Variants in DSPP observed in about 807,000 individuals in gnomAD.
DSPP encodes the protein dentin sialophosphoprotein.
DSPP carries 28 observed loss-of-function variants against 29.1 expected under a neutral mutation model. The observed-to-expected ratio is 0.96, with a 90% CI of 0.71 to 1.32. The LOEUF is 1.32. DSPP is among the 40% of genes most tolerant of loss of function. DSPP has a pLI of 0.00. For missense variants in DSPP, 1,281 were observed against 1,629.9 expected (o/e 0.79, Z 3.69); for synonymous variants, 481 against 503.4 (o/e 0.96, Z 0.60).
chr4:87,612,171 T>C lies in DSPP; in HGVS notation c.118T>C (p.Ser40Pro), dbSNP rs1366888240. The change falls in exon 3 of 5, where the codon TCA becomes CCA. Residue 40 changes from serine to proline, a missense_variant. Ser to Pro is a moderately conservative substitution (Grantham distance 74, BLOSUM62 -1). Around this residue, in one of 4 missense-constraint regions of DSPP, gnomAD observed 631 missense variants for 643.2 expected, o/e 0.98. Transcript: ENST00000651931. ...KSMNLHLLAR[S>P]NVSVQDELNA... Reference sequence around the variant, plus strand: ...CATGAATTTGCATCTCCTAGCAAGATCAAATGTGTCAGTACAGGTATAGGA... The same window carrying C: ...CATGAATTTGCATCTCCTAGCAAGACCAAATGTGTCAGTACAGGTATAGGA... 2 of 1,614,084 alleles carry C rather than the reference T, an allele frequency of 1.2e-6. No individual in the cohort carries two copies. The highest frequency in any genetic ancestry group is 3.3e-5 in the Admixed American group (2 of 60,034).
Position 87,614,507 on chromosome 4 carries a change from T to C in DSPP, c.1845T>C (p.Asp615=), listed in dbSNP as rs531903256. The part of the protein sequence containing the change: ...SDSSDSSDSS[D]SSDSSDSKSD... ...GCAGTGATAGCAGTGACAGTAGTGA[T>C]AGTAGTGACAGCAGTGACAGCAAGT... The change falls in exon 5 of 5, where the codon GAT becomes GAC. Residue 615 remains aspartate, a synonymous_variant. Coordinates refer to ENST00000651931, the MANE Select transcript of DSPP (RefSeq NM_014208.3). 189 of 1,551,170 alleles carry C rather than the reference T, an allele frequency of 1.2e-4. 2 individuals are homozygous for C. The South Asian group carries it at 2.2e-3, about 18-fold the overall frequency.
At position 87,612,577 on chromosome 4, in the gene DSPP, A is replaced by G; in HGVS notation, c.391A>G (p.Ile131Val). 6.2e-7 allele frequency: 1 copy of G among 1,614,186 alleles called. No individual in the cohort carries two copies. The highest frequency in any genetic ancestry group is 8.5e-7 in the Non-Finnish European group (1 of 1,180,010). The stretch of plus-strand genomic sequence containing the variant: ...TGGAATACATGGGAAAGAAGAAAAC[A>G]TCACAGCAAATGGCATCCAGGGACA... The part of the protein sequence containing the change: ...HDGIHGKEEN[I>V]TANGIQGQVS... The change falls in exon 4 of 5, where the codon ATC becomes GTC. Residue 131 changes from isoleucine to valine, a missense_variant. Transcript: ENST00000651931.
Position 87,612,914 on chromosome 4 carries a change from ATGGGAGTCCTAG to A in DSPP, c.734_745del (p.Ser245_Gly248del). The A allele has an allele frequency of 6.2e-7, 1 of 1,614,158 alleles. No individual in the cohort carries two copies. Among genetic ancestry groups the A allele is most frequent in the Non-Finnish European group, 8.5e-7 (1 of 1,180,028 alleles). ...GAAGATGCTGGCCTGGATAATTCCGATGGGAGTCCTAGTGGGAATGGAGCAGATGAGGATGAA... is the reference window on the plus strand; with the variant it reads ...GAAGATGCTGGCCTGGATAATTCCGATGGGAATGGAGCAGATGAGGATGAA... On this transcript the variant is annotated inframe_deletion, in exon 4 of 5. Transcript: ENST00000651931.
Position 87,614,680 on chromosome 4 carries a change from A to ACAGCAGTGACAGCAGCAG in DSPP, c.2018_2019insCAGCAGTGACAGCAGCAG (p.Ser679_Ser684dup). 2.6e-6 allele frequency: 4 copies of ACAGCAGTGACAGCAGCAG among 1,521,908 alleles called. No homozygotes were observed. Among genetic ancestry groups the ACAGCAGTGACAGCAGCAG allele is most frequent in the Non-Finnish European group, 3.6e-6 (4 of 1,121,198 alleles). 94.3% of individuals were successfully genotyped at this position (1,521,908 alleles called of 1,614,324 possible). A position where few individuals can be genotyped will look rare whatever the true frequency, so the allele number is the denominator to read the frequency against. ...AGCAGTGATAGTAGTGACAGCAGTG[A>ACAGCAGTGACAGCAGCAG]TAGCAGTGACAGCAGCAGTAGCAGT... On this transcript the variant is annotated inframe_insertion, in exon 5 of 5. Transcript: ENST00000651931.
At chr4:87,608,868 T>G (rs72868613) in intron 1 of DSPP, among the ~76,000 whole-genome samples, 1,848 of 152,282 alleles carry the variant, frequency 0.012, 45 homozygotes, top group African/African-American at 0.043. Context: ...AGGTGGAAAT[T>G]TGACAATTAA....
rs748633518 is a variant in DSPP at position 87,614,364 on chromosome 4, G to C, written c.1702G>C (p.Asp568His). Reference protein sequence around the residue: ...SNSSDSSDSSDSDSSDSNSSS... With the variant: ...SNSSDSSDSSHSDSSDSNSSS... ...TAGCAGTGATAGTAGTGACAGCAGT[G>C]ACAGTGACAGCAGTGATAGCAACAG... is the stretch of plus-strand genomic sequence containing the variant. The change falls in exon 5 of 5, where the codon GAC (aspartate) becomes CAC (histidine). Residue 568 changes from aspartate to histidine, a missense_variant. Around this residue, in one of 4 missense-constraint regions of DSPP, gnomAD observed 444 missense variants for 611.4 expected, o/e 0.73. Coordinates refer to ENST00000651931, the MANE Select transcript of DSPP (RefSeq NM_014208.3). 6.3e-7 allele frequency: 1 copy of C among 1,594,832 alleles called. No homozygotes were observed.
At position 87,615,810 on chromosome 4, in the gene DSPP, G is replaced by C; in HGVS notation, c.3148G>C (p.Asp1050His). 6.6e-7 allele frequency: 1 copy of C among 1,525,362 alleles called. No individual in the cohort carries two copies. The highest frequency in any genetic ancestry group is 2.5e-5 in the East Asian group (1 of 39,864). The allele number at this position is 1,525,362 out of a possible 1,614,324, so 94.5% of individuals were successfully genotyped here. A position where few individuals can be genotyped will look rare whatever the true frequency, so the allele number is the denominator to read the frequency against. The change falls in exon 5 of 5, where the codon GAC becomes CAC. Residue 1050 changes from aspartate (D) to histidine (H), a missense_variant. Physicochemically the swap from Asp to His is moderately conservative, Grantham distance 81. Around this residue, in one of 4 missense-constraint regions of DSPP, gnomAD observed 72 missense variants for 190.3 expected, o/e 0.38. Coordinates refer to ENST00000651931, the MANE Select transcript of DSPP (RefSeq NM_014208.3). ...TAGCAGTGACAGCAGCGATAGCAGT[G>C]ACAGCAGTGACAGCAGCAATAGCAG... is the stretch of plus-strand genomic sequence containing the variant. ...SDSSDSSDSSDSSDSSNSSDS... is the reference protein window; with the variant it reads ...SDSSDSSDSSHSSDSSNSSDS...
chr4:87,610,649 G>A (rs977844336), intron 1 of DSPP, among the ~76,000 whole-genome samples: 17 of 152,114 alleles, frequency 1.1e-4, no homozygotes, highest in South Asian at 2.1e-4. Context: ...CTATTATGGC[G>A]TTTTCCTTCA....
Position 87,616,234 on chromosome 4 carries a change from A to T in DSPP, c.3572A>T (p.Asp1191Val). ...SDSSDSSDSSDSSDSSDSSDS... is the reference protein window; with the variant it reads ...SDSSDSSDSSVSSDSSDSSDS... ...AGCAGCGACAGCAGTGATAGCAGTGACAGCAGCGACAGCAGCGATAGCAGC... is the reference window on the plus strand; with the variant it reads ...AGCAGCGACAGCAGTGATAGCAGTGTCAGCAGCGACAGCAGCGATAGCAGC... The change falls in exon 5 of 5, where the codon GAC (aspartate) becomes GTC (valine). Residue 1191 changes from aspartate to valine, a missense_variant. Physicochemically the swap from Asp to Val is radical, Grantham distance 152 (BLOSUM62 -3). Around this residue, in one of 4 missense-constraint regions of DSPP, gnomAD observed 134 missense variants for 185.0 expected, o/e 0.72. Transcript: ENST00000651931. 1 of 1,524,200 alleles carries T rather than the reference A, an allele frequency of 6.6e-7. No individual in the cohort carries two copies. Among genetic ancestry groups the T allele is most frequent in the African/African-American group, 1.4e-5 (1 of 70,364 alleles). 94.4% of individuals were successfully genotyped at this position (1,524,200 alleles called of 1,614,324 possible). A position where few individuals can be genotyped will look rare whatever the true frequency, so the allele number is the denominator to read the frequency against.
chr4:87,612,359 G>T lies in DSPP; in HGVS notation c.173G>T (p.Gly58Val). The T allele has an allele frequency of 1.2e-6, 2 of 1,614,078 alleles. No individual in the cohort carries two copies. Among genetic ancestry groups the T allele is most frequent in the Non-Finnish European group, 8.5e-7 (1 of 1,179,984 alleles). Residue 58 changes from glycine (G) to valine (V), a missense_variant, in exon 4 of 5, where the codon GGT becomes GTT. Gly to Val is a moderately radical substitution (Grantham distance 109). Coordinates refer to ENST00000651931, the MANE Select transcript of DSPP (RefSeq NM_014208.3). ...GCCAGTGGAACCATCAAAGAAAGTG[G>T]TGTCCTGGTGCATGAAGGTGATAGA... ...LNASGTIKES[G>V]VLVHEGDRGR...
In DSPP at chr4:87,613,249, G is replaced by A. The variant is rs61738515; in HGVS notation, c.1063G>A (p.Val355Ile). The A allele has an allele frequency of 6.1e-4, 988 of 1,613,798 alleles. 8 individuals are homozygous for A. In the African/African-American group the frequency reaches 0.011, roughly 18 times the overall value. The stretch of plus-strand genomic sequence containing the variant: ...GCTCAACCATAGAGAAAGCAAACGC[G>A]TAGAAAATAGAATCACCAAAGAATC... ...QKLNHRESKRVENRITKESET... is the reference protein window; with the variant it reads ...QKLNHRESKRIENRITKESET... The change falls in exon 4 of 5, where the codon GTA (valine) becomes ATA (isoleucine). Residue 355 changes from valine to isoleucine, a missense_variant. Val to Ile is a conservative substitution (Grantham distance 29, BLOSUM62 3). Coordinates refer to ENST00000651931, the MANE Select transcript of DSPP (RefSeq NM_014208.3).
chr4:87,610,771 A>G (rs1043799549), intron 1 of DSPP, 110 bp from the exon 2 acceptor site: 1 of 736,420 alleles, frequency 1.4e-6, no homozygotes, highest in South Asian at 1.6e-5. Context: ...CGTGTTAGAT[A>G]CATGCTTCTT....
At position 87,614,422 on chromosome 4, in the gene DSPP, G is replaced by A. The variant is rs1424791746; in HGVS notation, c.1760G>A (p.Ser587Asn). 6.4e-6 allele frequency: 10 copies of A among 1,555,720 alleles called. No individual in the cohort carries two copies. The highest frequency in any genetic ancestry group is 1.2e-5 in the South Asian group (1 of 84,598). Residue 587 changes from serine to asparagine, a missense_variant, in exon 5 of 5, where the codon AGC becomes AAC. This residue lies in a region of DSPP where 444 missense variants were observed against 611.4 expected (regional missense o/e 0.73). Transcript: ENST00000651931. ...SSDSDSSDSD[S>N]SDSSDSDSSD... ...GATAGTGACAGCAGTGACAGTGACA[G>A]CAGTGATAGCAGTGACAGTGATAGT...
Position 87,613,839 on chromosome 4 carries a change from G to A in DSPP, c.1177G>A (p.Gly393Arg). Residue 393 changes from glycine (G) to arginine (R), a missense_variant, in exon 5 of 5, where the codon GGG becomes AGG. Transcript: ENST00000651931. ...SGNRNITKEV[G>R]KGNEGKEDKG... Reference sequence around the variant, plus strand: ...CAACAGAAATATTACCAAAGAAGTTGGGAAAGGCAACGAAGGTAAAGAGGA... The same window carrying A: ...CAACAGAAATATTACCAAAGAAGTTAGGAAAGGCAACGAAGGTAAAGAGGA... 3 of 1,614,132 alleles carry A rather than the reference G, an allele frequency of 1.9e-6. No individual in the cohort carries two copies.
At chr4:87,608,883 C>G (rs1727683986) in intron 1 of DSPP, among the ~76,000 whole-genome samples, 1 of 152,164 alleles carries the variant, frequency 6.6e-6, no homozygotes, top group South Asian at 2.1e-4. Flanking sequence ...AATTAACTAT[C>G]TGGGCACTTT....
intron 2 of DSPP, 133 bp from the exon 3 acceptor site, chr4:87,611,972 T>C: frequency 1.0e-6 from 1 of 974,704 alleles, no homozygotes. Context: ...TACTTTGGCC[T>C]TTGTGTTAAA....
intron 1 of DSPP, among the ~76,000 whole-genome samples, chr4:87,609,175 C>T (rs1727688605): frequency 6.6e-6 from 1 of 152,084 alleles, no homozygotes; most frequent in African/African-American, 2.4e-5. Flanking sequence ...ATCACCTGGG[C>T]CATTTTTATT....
At position 87,614,834 on chromosome 4, in the gene DSPP, C is replaced by T. The variant is rs565395004; in HGVS notation, c.2172C>T (p.Ser724=). ...DSSDSSNSNS[S]DSDSSNSSDS... is the part of the protein sequence containing the mutation. Reference sequence around the variant, plus strand: ...GTGACAGCAGTAATAGTAACAGCAGCGATAGTGACAGCAGCAACAGCAGCG... The same window carrying T: ...GTGACAGCAGTAATAGTAACAGCAGTGATAGTGACAGCAGCAACAGCAGCG... The change falls in exon 5 of 5, where the codon AGC becomes AGT. Residue 724 remains serine (S), a synonymous_variant. Transcript: ENST00000651931. The T allele has an allele frequency of 1.9e-5, 29 of 1,550,942 alleles. No homozygotes were observed. Among genetic ancestry groups the T allele is most frequent in the African/African-American group, 4.1e-5 (3 of 72,920 alleles).
At position 87,615,773 on chromosome 4, in the gene DSPP, TGACAGCAGC is replaced by T. The variant is rs1560479951; in HGVS notation, c.3114_3122del (p.Asp1053_Ser1055del). ...ACAGCAGTGACAGCAGCGATAGCAGTGACAGCAGCGATAGCAGTGACAGCAGCGATAGCA... is the reference window on the plus strand; with the variant it reads ...ACAGCAGTGACAGCAGCGATAGCAGTGATAGCAGTGACAGCAGCGATAGCA... On this transcript the variant is annotated inframe_deletion, in exon 5 of 5. Transcript: ENST00000651931. 6.6e-7 allele frequency: 1 copy of T among 1,503,874 alleles called. No individual in the cohort carries two copies. Among genetic ancestry groups the T allele is most frequent in the Non-Finnish European group, 8.9e-7 (1 of 1,122,148 alleles). 93.2% of individuals were successfully genotyped at this position (1,503,874 alleles called of 1,614,324 possible). A position where few individuals can be genotyped will look rare whatever the true frequency, so the allele number is the denominator to read the frequency against.
Sources: gnomAD v4.1 joint callset for allele counts (sites outside exome capture counted in the v4.1 genomes callset) on GRCh38, gnomAD v4.1.1 for gene constraint, gnomAD v4.1.1 regional missense constraint, MANE v1.5 for transcripts, NCBI Gene and HGNC (gene_info 2026-07-23, HGNC 2026-07-21) for gene names.